FRYL: variants seen among roughly 807,000 people sequenced by gnomAD.
FRYL encodes the protein FRY like transcription coactivator.
FRYL carries 150 observed loss-of-function variants against 351.2 expected under a neutral mutation model. The ratio of observed to expected loss-of-function variants is 0.43; its 90% CI spans 0.37 to 0.49. The LOEUF is 0.49. Among genes scored for constraint, FRYL ranks in the 20% least tolerant of loss-of-function variants. FRYL has a pLI of 0.00. For synonymous variants in FRYL, 1,153 were observed against 1,257.1 expected, an observed-to-expected ratio of 0.92 and a Z score of 1.75; for missense variants, 3,036 against 3,619.3, an observed-to-expected ratio of 0.84 and a Z score of 4.13.
At chr4:48,603,899 A>G (rs1455979354) in intron 11 of FRYL, among the ~76,000 whole-genome samples, 1 of 152,154 alleles carries the variant, frequency 6.6e-6, no homozygotes, top group Admixed American at 6.6e-5. Flanking sequence ...CTTCCCACAG[A>G]CACAGGAAGT....
At chr4:48,499,712 G>GACTT in intron 63 of FRYL, 32 bp from the exon 64 acceptor site, 4 of 1,603,426 alleles carry the variant, frequency 2.5e-6, no homozygotes, top group Non-Finnish European at 3.4e-6. Flanking sequence ...TCAGTTCTGA[G>GACTT]ACTTAGGCAA....
At chr4:48,570,357 T>A (rs1738020680) in intron 27 of FRYL, among the ~76,000 whole-genome samples, 1 of 152,236 alleles carries the variant, frequency 6.6e-6, no homozygotes, top group Admixed American at 6.5e-5. Flanking sequence ...TGAATTATAT[T>A]TGTAAGATTT....
chr4:48,501,960 T>A (rs1179848184), intron 61 of FRYL, among the ~76,000 whole-genome samples: 2 of 152,210 alleles, frequency 1.3e-5, no homozygotes, highest in Non-Finnish European at 2.9e-5. Flanking sequence ...GTTAAGCACA[T>A]TTTCACATTC....
At chr4:48,700,314 G>A (rs1200007187) in intron 2 of FRYL, among the ~76,000 whole-genome samples, 4 of 152,088 alleles carry the variant, frequency 2.6e-5, no homozygotes, top group Admixed American at 6.6e-5. Flanking sequence ...ATAAGACACC[G>A]GGAGGGCAAA....
intron 23 of FRYL, 98 bp downstream of exon 23, chr4:48,578,869 TTTATGG>T (rs1740252627): frequency 1.0e-6 from 1 of 960,978 alleles, no homozygotes; most frequent in African/African-American, 1.7e-5. Context: ...TCACATATTA[TTTATGG>T]GCCTTCCAAT....
chr4:48,717,619 C>T (rs1769017114), intron 1 of FRYL, among the ~76,000 whole-genome samples: 1 of 151,630 alleles, frequency 6.6e-6, no homozygotes, highest in South Asian at 2.1e-4. Context: ...TAGCTCACTG[C>T]AGCCTCAAAC....
chr4:48,544,938 T>C (rs372697637), intron 42 of FRYL, 34 bp from the exon 43 acceptor site: 169 of 1,571,922 alleles, frequency 1.1e-4, no homozygotes, highest in Non-Finnish European at 1.4e-4. Flanking sequence ...TTTCCTTGGA[T>C]TTTCACTTGT....
At chr4:48,581,744 AT>A in intron 20 of FRYL, 139 bp from the exon 21 acceptor site, 1 of 650,526 alleles carries the variant, frequency 1.5e-6, no homozygotes, top group Non-Finnish European at 2.6e-6. Context: ...AATCGCATGT[AT>A]TTTATAAAAA....
At chr4:48,600,066 C>T (rs1288872841) in intron 13 of FRYL, among the ~76,000 whole-genome samples, 6 of 151,820 alleles carry the variant, frequency 4.0e-5, no homozygotes, top group Non-Finnish European at 7.4e-5. Context: ...GAGATCATTC[C>T]ACTGCACTCC....
intron 50 of FRYL, among the ~76,000 whole-genome samples, chr4:48,530,042 T>A (rs574788882): frequency 1.3e-5 from 2 of 152,166 alleles, no homozygotes; most frequent in Non-Finnish European, 2.9e-5. Context: ...CCTTAATTTG[T>A]TACTTCCACC....
At chr4:48,656,203 A>T (rs1327187286) in intron 3 of FRYL, among the ~76,000 whole-genome samples, 8 of 134,068 alleles carry the variant, frequency 6.0e-5, no homozygotes, top group African/African-American at 2.2e-4. Context: ...TTATATATAC[A>T]TGATTATTCA....
intron 22 of FRYL, among the ~76,000 whole-genome samples, chr4:48,580,268 A>G (rs1426302382): frequency 6.6e-6 from 1 of 152,130 alleles, no homozygotes; most frequent in East Asian, 1.9e-4. Context: ...CTATTCTTAC[A>G]TCAACTTTGG....
intron 3 of FRYL, among the ~76,000 whole-genome samples, chr4:48,679,503 C>T (rs1005900498): frequency 6.6e-6 from 1 of 151,378 alleles, no homozygotes; most frequent in Non-Finnish European, 1.5e-5. Context: ...ACTTAAAAGG[C>T]AGTAGAACAG....
At chr4:48,532,810 GT>G (rs1273259329) in intron 49 of FRYL, among the ~76,000 whole-genome samples, 1 of 152,122 alleles carries the variant, frequency 6.6e-6, no homozygotes, top group South Asian at 2.1e-4. Context: ...ATTGCTGGTT[GT>G]GTTTAAATGT....
At chr4:48,647,676 A>AAAC (rs1756802995) in intron 3 of FRYL, among the ~76,000 whole-genome samples, 6 of 152,190 alleles carry the variant, frequency 3.9e-5, no homozygotes, top group Middle Eastern at 3.4e-3. Flanking sequence ...AACAAACAAA[A>AAAC]AAAAGATACA....
At chr4:48,690,025 T>C (rs1440942067) in intron 2 of FRYL, among the ~76,000 whole-genome samples, 1 of 150,748 alleles carries the variant, frequency 6.6e-6, no homozygotes, top group Non-Finnish European at 1.5e-5. Flanking sequence ...GCCTCCCGAC[T>C]AGCTGGGACT....
At chr4:48,652,366 G>A (rs1303975237) in intron 3 of FRYL, among the ~76,000 whole-genome samples, 2 of 152,174 alleles carry the variant, frequency 1.3e-5, no homozygotes, top group Non-Finnish European at 2.9e-5. Context: ...AGTACTGAGA[G>A]AAAGATTAGA....
At chr4:48,623,815 AC>A (rs1258997199) in intron 4 of FRYL, among the ~76,000 whole-genome samples, 1 of 152,180 alleles carries the variant, frequency 6.6e-6, no homozygotes, top group Non-Finnish European at 1.5e-5. Flanking sequence ...TTAAAAAAAA[AC>A]AAAGAAATAC....
chr4:48,547,436 T>C, intron 41 of FRYL, 148 bp downstream of exon 41: 3 of 442,136 alleles, frequency 6.8e-6, no homozygotes, highest in Admixed American at 4.0e-5. Flanking sequence ...TATTAGCAAA[T>C]AATTTAAATG....
Sources: allele counts gnomAD v4.1 joint callset (sites outside exome capture counted in the v4.1 genomes callset), GRCh38; gene constraint gnomAD v4.1.1; transcripts MANE v1.5; gene names NCBI Gene and HGNC (gene_info 2026-07-23, HGNC 2026-07-21).